Variants in CDH13 observed in about 807,000 individuals in gnomAD.
The protein encoded by CDH13 is cadherin-13.
A neutral mutation model predicts 63.8 loss-of-function variants in CDH13; 24 were observed. That is an observed-to-expected ratio of 0.38 (90% CI 0.27 to 0.53). The LOEUF is 0.53. CDH13 is among the 20% of genes least tolerant of loss of function. CDH13 has a pLI of 0.85. For synonymous variants in CDH13, 503 were observed against 355.3 expected (o/e 1.42, Z -4.67); for missense variants, 1,049 against 903.1 (o/e 1.16, Z -2.07).
intron 1 of CDH13, among the ~76,000 whole-genome samples, chr16:82,678,808 C>G (rs1914223055): frequency 6.6e-6 from 1 of 152,192 alleles, no homozygotes; most frequent in African/African-American, 2.4e-5. Flanking sequence ...GGCAGTCTAT[C>G]TCTTAGAGCC....
chr16:83,332,535 C>T (rs1288086785), intron 5 of CDH13, among the ~76,000 whole-genome samples: 4 of 152,104 alleles, frequency 2.6e-5, no homozygotes, highest in East Asian at 3.8e-4. Flanking sequence ...AAAAAGGGCA[C>T]GTAAAAATAC....
chr16:83,351,490 C>G (rs1331589632), intron 6 of CDH13, among the ~76,000 whole-genome samples: 2 of 152,102 alleles, frequency 1.3e-5, no homozygotes, highest in Non-Finnish European at 2.9e-5. Flanking sequence ...AGAATGGGAG[C>G]TCTATGTGCT....
intron 6 of CDH13, among the ~76,000 whole-genome samples, chr16:83,371,955 A>G (rs951058180): frequency 2.8e-4 from 42 of 152,252 alleles, no homozygotes; most frequent in African/African-American, 1.0e-3. Flanking sequence ...CGGACCGTAT[A>G]TACAGATATA....
chr16:82,884,391 T>C (rs775298715), intron 2 of CDH13: 19 of 346,322 alleles, frequency 5.5e-5, no homozygotes, highest in Admixed American at 1.5e-4. Context: ...AGTAACAAAA[T>C]GAGACTCCTT....
chr16:83,073,720 A>G (rs1310555545), intron 3 of CDH13, among the ~76,000 whole-genome samples: 2 of 152,150 alleles, frequency 1.3e-5, no homozygotes, highest in Non-Finnish European at 2.9e-5. Context: ...TTAAGATATG[A>G]TCATATATTT....
chr16:83,532,456 G>C (rs2075102231), intron 7 of CDH13, among the ~76,000 whole-genome samples: 1 of 152,192 alleles, frequency 6.6e-6, no homozygotes, highest in African/African-American at 2.4e-5. Flanking sequence ...AATGTTACTG[G>C]ATAAATGAAT....
chr16:83,189,572 C>A (rs2038632518), intron 4 of CDH13, among the ~76,000 whole-genome samples: 1 of 152,120 alleles, frequency 6.6e-6, no homozygotes, highest in Non-Finnish European at 1.5e-5. Flanking sequence ...TCAGGAAATC[C>A]AAAGGTGCAT....
intron 7 of CDH13, among the ~76,000 whole-genome samples, chr16:83,511,058 AC>A (rs1567724568): frequency 1.0e-5 from 1 of 97,790 alleles, no homozygotes; most frequent in Non-Finnish European, 2.1e-5. Context: ...GTGTGCACAC[AC>A]AGACACGCAC....
chr16:83,384,614 T>C (rs1158397943), intron 6 of CDH13, among the ~76,000 whole-genome samples: 3 of 152,162 alleles, frequency 2.0e-5, no homozygotes, highest in Admixed American at 2.0e-4. Context: ...GAGAGCCTGG[T>C]CACTCTGGCA....
intron 11 of CDH13, among the ~76,000 whole-genome samples, chr16:83,754,350 T>G (rs1913329467): frequency 6.6e-6 from 1 of 152,186 alleles, no homozygotes; most frequent in Non-Finnish European, 1.5e-5. Context: ...ACTCCAGACT[T>G]TCAATCAAAA....
intron 6 of CDH13, among the ~76,000 whole-genome samples, chr16:83,378,396 A>G (rs1276097632): frequency 6.6e-6 from 1 of 152,136 alleles, no homozygotes; most frequent in East Asian, 1.9e-4. Context: ...TCCCTTGACC[A>G]TGAGTTTTTA....
At chr16:83,115,413 C>T (rs757424706) in intron 3 of CDH13, among the ~76,000 whole-genome samples, 15 of 152,188 alleles carry the variant, frequency 9.9e-5, no homozygotes, top group Non-Finnish European at 2.1e-4. Flanking sequence ...GGATCCCAGG[C>T]AAATCTTAGG....
At chr16:82,652,761 T>C (rs1910877526) in intron 1 of CDH13, among the ~76,000 whole-genome samples, 1 of 152,214 alleles carries the variant, frequency 6.6e-6, no homozygotes, top group South Asian at 2.1e-4. Context: ...CTTTTTATTT[T>C]TCCTCTGACA....
At chr16:83,709,333 G>A (rs144690360) in intron 10 of CDH13, among the ~76,000 whole-genome samples, 127 of 152,330 alleles carry the variant, frequency 8.3e-4, no homozygotes, top group Middle Eastern at 3.4e-3. Context: ...AGCAGACACA[G>A]GAACCTGAGA....
intron 2 of CDH13, among the ~76,000 whole-genome samples, chr16:82,903,942 G>C (rs1419647101): frequency 2.6e-5 from 4 of 152,236 alleles, no homozygotes; most frequent in African/African-American, 4.8e-5. Flanking sequence ...CTGTCTGTCT[G>C]CTTCTCTGTA....
At position 82,788,367 on chromosome 16, in the gene CDH13, G is replaced by A. The variant is rs139032441; in HGVS notation, c.46-69995G>A. On this transcript the variant is annotated intron_variant, in intron 1 of 13. Coordinates refer to ENST00000567109, the MANE Select transcript of CDH13 (RefSeq NM_001257.5). The stretch of plus-strand genomic sequence containing the variant: ...CCCAGGAGATGGCTGAGTCCCAAGA[G>A]CCATGCAGGCCTCCTGGACGACCGC... Among the ~76,000 whole-genome samples the A allele has an allele frequency of 3.9e-5, 6 of 152,290 alleles. No homozygotes were observed. The East Asian group carries it at 5.8e-4, about 15-fold the overall frequency.
intron 5 of CDH13, among the ~76,000 whole-genome samples, chr16:83,265,753 T>TTTTTTTTTTTTTTC (rs369864549): frequency 2.3e-5 from 3 of 132,548 alleles, no homozygotes; most frequent in Admixed American, 7.8e-5. Flanking sequence ...TTTTTTTTTT[T>TTTTTTTTTTTTTTC]GGTCTGTGTC....
intron 1 of CDH13, among the ~76,000 whole-genome samples, chr16:82,642,730 A>G (rs146470098): frequency 2.0e-5 from 3 of 152,318 alleles, no homozygotes; most frequent in Non-Finnish European, 2.9e-5. Flanking sequence ...CAGTAATAGT[A>G]GCTGATATCA....
intron 8 of CDH13, among the ~76,000 whole-genome samples, chr16:83,610,120 G>A (rs12445758): frequency 0.38 from 57,803 of 151,972 alleles, 11,305 homozygotes; most frequent in East Asian, 0.47. Context: ...TTCATCCACT[G>A]AGGGACATTT....
Sources: gnomAD v4.1 joint callset for allele counts (sites outside exome capture counted in the v4.1 genomes callset) on GRCh38, gnomAD v4.1.1 for gene constraint, MANE v1.5 for transcripts, NCBI Gene and HGNC (gene_info 2026-07-23, HGNC 2026-07-21) for gene names.